Variants in SNX29 observed in about 807,000 individuals in gnomAD.
SNX29 encodes the protein sorting nexin 29.
SNX29 carries 78 observed loss-of-function variants against 102.1 expected under a neutral mutation model. The observed-to-expected ratio is 0.76, with a 90% CI of 0.64 to 0.92. SNX29 has a LOEUF of 0.92. Ranked by LOEUF, SNX29 falls within the 40% of genes least tolerant of loss-of-function variation. The pLI is 0.00. For missense variants in SNX29, 1,280 were observed against 1,061.7 expected (o/e 1.21, Z -2.86); for synonymous variants, 580 against 414.5 (o/e 1.40, Z -4.85).
At chr16:12,099,726 T>G (rs3851012) in intron 11 of SNX29, among the ~76,000 whole-genome samples, 48,196 of 151,940 alleles carry the variant, frequency 0.32, 8,053 homozygotes, top group African/African-American at 0.44. Context: ...TTTTGATTCG[T>G]GGAGTGTGGA....
intron 16 of SNX29, among the ~76,000 whole-genome samples, chr16:12,392,445 C>T (rs1470964903): frequency 1.3e-5 from 2 of 152,168 alleles, no homozygotes; most frequent in Non-Finnish European, 2.9e-5. Context: ...TTCCCTGCTC[C>T]AGCCATTCAT....
chr16:11,987,876 T>A (rs1281309480), intron 1 of SNX29, among the ~76,000 whole-genome samples: 3 of 152,240 alleles, frequency 2.0e-5, no homozygotes, highest in Non-Finnish European at 4.4e-5. Context: ...TTTTGATTTA[T>A]TTTTGTAGCT....
intron 4 of SNX29, among the ~76,000 whole-genome samples, chr16:12,041,497 C>T (rs1567555136): frequency 6.6e-6 from 1 of 152,198 alleles, no homozygotes. Context: ...TCCCACAGTT[C>T]TGGAGGTCAG....
intron 14 of SNX29, among the ~76,000 whole-genome samples, chr16:12,208,323 C>G (rs1398635563): frequency 1.3e-5 from 2 of 152,226 alleles, no homozygotes; most frequent in Non-Finnish European, 2.9e-5. Context: ...TCTGCTGTCC[C>G]TGCTGGGGCA....
At chr16:12,057,405 A>T (rs1227761275) in intron 8 of SNX29, among the ~76,000 whole-genome samples, 1 of 152,176 alleles carries the variant, frequency 6.6e-6, no homozygotes, top group Non-Finnish European at 1.5e-5. Context: ...ATGAGGCTGC[A>T]GGGATGGTGC....
chr16:12,227,262 G>A (rs948480007), intron 14 of SNX29, among the ~76,000 whole-genome samples: 1 of 152,182 alleles, frequency 6.6e-6, no homozygotes, highest in Non-Finnish European at 1.5e-5. Flanking sequence ...GTTAGGAACA[G>A]CCCTGTTTAG....
At chr16:12,073,272 A>G (rs2051383259) in intron 10 of SNX29, among the ~76,000 whole-genome samples, 1 of 151,452 alleles carries the variant, frequency 6.6e-6, no homozygotes, top group African/African-American at 2.4e-5. Flanking sequence ...TTAGGGTGTG[A>G]ATTTTGGATC....
intron 15 of SNX29, among the ~76,000 whole-genome samples, chr16:12,331,407 G>A (rs1310854353): frequency 6.6e-6 from 1 of 152,172 alleles, no homozygotes; most frequent in Non-Finnish European, 1.5e-5. Flanking sequence ...ATTCCAAAAA[G>A]CATTTGAAGC....
At chr16:12,550,096 GC>G (rs755992332) in intron 20 of SNX29, among the ~76,000 whole-genome samples, 154 of 152,194 alleles carry the variant, frequency 1.0e-3, no homozygotes, top group Non-Finnish European at 1.6e-3. Flanking sequence ...CAACCTATGG[GC>G]TAGAATACTG....
At chr16:12,207,967 C>A (rs140735407) in intron 14 of SNX29, among the ~76,000 whole-genome samples, 40 of 152,214 alleles carry the variant, frequency 2.6e-4, no homozygotes, top group African/African-American at 8.7e-4. Flanking sequence ...ACAACAGGTG[C>A]TTAATAAAAA....
intron 15 of SNX29, among the ~76,000 whole-genome samples, chr16:12,319,362 T>C (rs2080854645): frequency 6.6e-6 from 1 of 152,202 alleles, no homozygotes; most frequent in Non-Finnish European, 1.5e-5. Flanking sequence ...GGCATGATGG[T>C]GCATACCTGT....
chr16:12,296,135 T>C (rs2079972465), intron 15 of SNX29, among the ~76,000 whole-genome samples: 1 of 152,214 alleles, frequency 6.6e-6, no homozygotes, highest in Non-Finnish European at 1.5e-5. Flanking sequence ...AATGGAAAAT[T>C]CTCCCCTTCC....
intron 4 of SNX29, among the ~76,000 whole-genome samples, chr16:12,038,189 C>T (rs980769740): frequency 4.6e-5 from 7 of 152,178 alleles, no homozygotes; most frequent in African/African-American, 1.2e-4. Context: ...AATCCATACA[C>T]GTAGGTACTG....
chr16:12,532,153 T>G (rs1334243633), intron 20 of SNX29, among the ~76,000 whole-genome samples: 1 of 152,194 alleles, frequency 6.6e-6, no homozygotes, highest in Non-Finnish European at 1.5e-5. Flanking sequence ...GCTGTAACTG[T>G]GTGTTCCTGG....
chr16:12,455,969 CCCTCAA>C (rs1350408490), intron 18 of SNX29, among the ~76,000 whole-genome samples: 8 of 152,238 alleles, frequency 5.3e-5, no homozygotes, highest in African/African-American at 1.7e-4. Context: ...TTGGTTCTTG[CCCTCAA>C]GGAATTCATT....
At chr16:12,089,107 GGAGA>G (rs753818915) in intron 11 of SNX29, among the ~76,000 whole-genome samples, 13 of 142,852 alleles carry the variant, frequency 9.1e-5, no homozygotes, top group South Asian at 2.2e-4. Context: ...AAGAAAGAGA[GGAGA>G]GAGAGAGAGA....
At chr16:12,369,683 A>G (rs980973953) in intron 16 of SNX29, among the ~76,000 whole-genome samples, 1 of 152,218 alleles carries the variant, frequency 6.6e-6, no homozygotes, top group Admixed American at 6.5e-5. Context: ...TCTAGATACT[A>G]AGTTAATTTG....
At chr16:12,531,605 G>A (rs2076934313) in intron 20 of SNX29, among the ~76,000 whole-genome samples, 1 of 152,188 alleles carries the variant, frequency 6.6e-6, no homozygotes, top group Non-Finnish European at 1.5e-5. Flanking sequence ...TGAGAGTTGA[G>A]TAGGTGACTA....
intron 12 of SNX29, 21 bp from the exon 13 acceptor site, chr16:12,129,609 G>C (rs770677817): frequency 8.7e-6 from 14 of 1,600,222 alleles, no homozygotes; most frequent in South Asian, 1.1e-5. Flanking sequence ...CTTCTGAACA[G>C]ATGGGTCCCT....
Sources: allele counts gnomAD v4.1 joint callset (sites outside exome capture counted in the v4.1 genomes callset), GRCh38; gene constraint gnomAD v4.1.1; transcripts MANE v1.5; gene names NCBI Gene and HGNC (gene_info 2026-07-23, HGNC 2026-07-21).